GPHN: variants seen among roughly 807,000 people sequenced by gnomAD.
The protein encoded by GPHN is gephyrin.
In GPHN, 17 loss-of-function variants were observed where a neutral mutation model predicts 95.5. The observed-to-expected ratio is 0.18, with a 90% CI of 0.12 to 0.27. The LOEUF (loss-of-function observed/expected upper bound fraction) is 0.27, where lower values mean the gene tolerates loss of function less well. Among genes scored for constraint, GPHN ranks in the 10% least tolerant of loss-of-function variants. GPHN has a pLI of 1.00. For missense variants in GPHN, 660 were observed against 978.1 expected (o/e 0.67, Z 4.34); for synonymous variants, 320 against 322.5 (o/e 0.99, Z 0.08).
At chr14:67,376,716 T>A in the GPHN span, 1 of 937,374 alleles carries the variant, frequency 1.1e-6, no homozygotes, top group Non-Finnish European at 1.6e-6. Context: ...TATTGGCCAG[T>A]AAATGGGCCA....
the GPHN span, among the ~76,000 whole-genome samples, chr14:67,667,664 G>A: frequency 1.3e-5 from 2 of 152,174 alleles, no homozygotes; most frequent in African/African-American, 4.8e-5. Flanking sequence ...GGAGTTAGAG[G>A]CCAGGCGCGG....
intron 16 of GPHN, among the ~76,000 whole-genome samples, chr14:67,120,431 A>G (rs1471589378): frequency 6.6e-6 from 1 of 152,146 alleles, no homozygotes; most frequent in African/African-American, 2.4e-5. Flanking sequence ...TAAATCCCAC[A>G]CCCTCATTTA....
At chr14:67,023,325 AT>A (rs2073755863) in intron 9 of GPHN, among the ~76,000 whole-genome samples, 1 of 152,116 alleles carries the variant, frequency 6.6e-6, no homozygotes, top group South Asian at 2.1e-4. Context: ...TTACAACTAA[AT>A]ATACAGTAAC....
chr14:67,482,466 G>T, the GPHN span, among the ~76,000 whole-genome samples: 1 of 152,102 alleles, frequency 6.6e-6, no homozygotes, highest in Non-Finnish European at 1.5e-5. Context: ...CCATGCAACC[G>T]GGCTGGGAAG....
At chr14:67,514,621 C>T in the GPHN span, among the ~76,000 whole-genome samples, 15 of 152,096 alleles carry the variant, frequency 9.9e-5, no homozygotes. Context: ...CAGGAGGGTC[C>T]TTGGTTTCCA....
chr14:67,410,698 A>AC, the GPHN span, among the ~76,000 whole-genome samples: 7 of 152,096 alleles, frequency 4.6e-5, no homozygotes, highest in Non-Finnish European at 5.9e-5. Context: ...TGATCCAGCC[A>AC]CCCCGGGAGG....
chr14:66,957,534 A>G (rs1035514587), intron 8 of GPHN, among the ~76,000 whole-genome samples: 3 of 151,888 alleles, frequency 2.0e-5, no homozygotes, highest in African/African-American at 7.3e-5. Context: ...ATTTCCTTCC[A>G]TTATGGTCAG....
intron 5 of GPHN, among the ~76,000 whole-genome samples, chr14:66,895,634 A>G (rs1181939204): frequency 6.6e-6 from 1 of 152,206 alleles, no homozygotes; most frequent in Non-Finnish European, 1.5e-5. Flanking sequence ...GAAAGAAAAT[A>G]ACATTTAATC....
the GPHN span, chr14:67,693,120 T>A: frequency 1.0e-6 from 1 of 997,896 alleles, no homozygotes; most frequent in Non-Finnish European, 1.5e-6. Context: ...TTCCTGCAAC[T>A]CCCTGTGTCT....
At chr14:67,299,585 T>C in the GPHN span, among the ~76,000 whole-genome samples, 29,046 of 152,014 alleles carry the variant, frequency 0.19, 4,457 homozygotes, top group East Asian at 0.48. Flanking sequence ...GGGATTAGAG[T>C]ATTTTTATAG....
chr14:67,618,981 T>A, the GPHN span, among the ~76,000 whole-genome samples: 4 of 152,202 alleles, frequency 2.6e-5, no homozygotes, highest in African/African-American at 9.7e-5. Context: ...TTGGTAGAAA[T>A]AATGTCTAGA....
At chr14:66,790,374 A>G (rs1377270690) in intron 3 of GPHN, among the ~76,000 whole-genome samples, 4 of 152,238 alleles carry the variant, frequency 2.6e-5, no homozygotes, top group Non-Finnish European at 4.4e-5. Context: ...ATCCAGGGCC[A>G]CTATTGGGAA....
At chr14:66,883,472 C>G (rs553030242) in intron 5 of GPHN, among the ~76,000 whole-genome samples, 78 of 151,956 alleles carry the variant, frequency 5.1e-4, no homozygotes, top group Non-Finnish European at 6.9e-4. Context: ...TAAAATTATT[C>G]TTCGGACAAT....
At chr14:67,051,111 A>G (rs1234720785) in intron 10 of GPHN, among the ~76,000 whole-genome samples, 1 of 152,178 alleles carries the variant, frequency 6.6e-6, no homozygotes, top group African/African-American at 2.4e-5. Context: ...GGCTGCCATC[A>G]CTGCAGCTGC....
At chr14:66,943,974 C>G (rs2067584302) in intron 8 of GPHN, among the ~76,000 whole-genome samples, 1 of 152,116 alleles carries the variant, frequency 6.6e-6, no homozygotes, top group Admixed American at 6.6e-5. Flanking sequence ...AGAGGTCTTT[C>G]CCCTTCATGT....
At chr14:67,393,316 G>T in the GPHN span, 1 of 975,552 alleles carries the variant, frequency 1.0e-6, no homozygotes, top group Non-Finnish European at 1.7e-6. Context: ...CTGAGTCACT[G>T]CTAAGGGTAT....
At chr14:66,512,815 A>G (rs2058090717) in intron 1 of GPHN, among the ~76,000 whole-genome samples, 1 of 151,804 alleles carries the variant, frequency 6.6e-6, no homozygotes, top group Non-Finnish European at 1.5e-5. Context: ...ACTTTTTTAC[A>G]TTCTTGAAAC....
the GPHN span, among the ~76,000 whole-genome samples, chr14:67,423,773 G>A: frequency 2.0e-5 from 3 of 152,332 alleles, no homozygotes; most frequent in Non-Finnish European, 2.9e-5. Flanking sequence ...CAAGGTGAGT[G>A]TGTGGCTGTC....
intron 3 of GPHN, among the ~76,000 whole-genome samples, chr14:66,784,699 GAGAACAGCCACTA>G (rs1486307041): frequency 6.6e-6 from 1 of 152,060 alleles, no homozygotes; most frequent in Non-Finnish European, 1.5e-5. Context: ...TTGTAATACT[GAGAACAGCCACTA>G]AGAAAAGTAT....
Sources: allele counts gnomAD v4.1 joint callset (sites outside exome capture counted in the v4.1 genomes callset), GRCh38; gene constraint gnomAD v4.1.1; transcripts MANE v1.5; gene names NCBI Gene and HGNC (gene_info 2026-07-23, HGNC 2026-07-21).